The following SLC2A9 variants were observed in gnomAD, a reference collection of about 807,000 sequenced individuals.
SLC2A9 encodes the protein solute carrier family 2, facilitated glucose transporter member 9.
In SLC2A9, 39 loss-of-function variants were observed where a neutral mutation model predicts 50.6. That is an observed-to-expected ratio of 0.77 (90% CI 0.60 to 1.01). SLC2A9 has a LOEUF of 1.01. Among genes scored for constraint, SLC2A9 ranks in the 50% least tolerant of loss-of-function variants. The probability of loss-of-function intolerance (pLI) is 0.00; values close to 1 mark genes in which losing one functional copy is unlikely to be tolerated. For synonymous variants in SLC2A9, 324 were observed against 276.9 expected, an observed-to-expected ratio of 1.17 and a Z score of -1.69; for missense variants, 686 against 677.6, an observed-to-expected ratio of 1.01 and a Z score of -0.14.
rs770902541 is a variant in SLC2A9 at position 9,782,899 on chromosome 4, G to A, written n.386-2834C>T. The A allele has an allele frequency of 2.5e-5, 40 of 1,614,022 alleles. No homozygotes were observed. The Middle Eastern group carries it at 1.0e-3, about 41-fold the overall frequency. ...CCAGCCTGCGCGCTTCCATCAAGAA[G>A]GAGACCAAGGTTCTCAAGACCCTGT... is the stretch of plus-strand genomic sequence containing the variant. On this transcript the variant is annotated intron_variant and non_coding_transcript_variant, in intron 3 of 3. Transcript: ENST00000503803.
At chr4:10,030,357 TAAATA>T in intron 1 of SLC2A9, among the ~76,000 whole-genome samples, 1 of 152,214 alleles carries the variant, frequency 6.6e-6, no homozygotes, top group South Asian at 2.1e-4. Context: ...AATAAATAAA[TAAATA>T]AAATACTCTG....
At chr4:9,773,995 T>TG (rs1188975407) in intron 1 of SLC2A9, among the ~76,000 whole-genome samples, 3 of 149,574 alleles carry the variant, frequency 2.0e-5, no homozygotes, top group Non-Finnish European at 4.5e-5. Flanking sequence ...ACTCAGTCTT[T>TG]TTTTTTTTTT....
intron 6 of SLC2A9, among the ~76,000 whole-genome samples, chr4:9,922,432 A>C (rs956298079): frequency 5.9e-5 from 9 of 152,042 alleles, no homozygotes; most frequent in African/African-American, 1.9e-4. Flanking sequence ...ATGTTGACCT[A>C]TGTAACAAAC....
chr4:9,833,011 C>T (rs780544209), intron 11 of SLC2A9, among the ~76,000 whole-genome samples: 2 of 152,172 alleles, frequency 1.3e-5, no homozygotes, highest in African/African-American at 2.4e-5. Flanking sequence ...AACTTCTCTA[C>T]TTAATTTATA....
At chr4:9,897,784 G>A (rs1311670379) in intron 8 of SLC2A9, among the ~76,000 whole-genome samples, 3 of 152,156 alleles carry the variant, frequency 2.0e-5, no homozygotes, top group South Asian at 2.1e-4. Flanking sequence ...CAGCTACACG[G>A]GAGGCTGAGG....
At chr4:9,879,248 G>A (rs1308837179) in intron 10 of SLC2A9, 1 of 985,300 alleles carries the variant, frequency 1.0e-6, no homozygotes, top group Non-Finnish European at 1.2e-6. Flanking sequence ...TCAAGATGCA[G>A]TATGAGCTGA....
chr4:9,879,103 G>A, intron 10 of SLC2A9: 1 of 981,390 alleles, frequency 1.0e-6, no homozygotes, highest in African/African-American at 1.8e-5. Context: ...CAAGGTTCTT[G>A]TCTTTGAAGC....
At chr4:9,970,680 TAAAAA>T (rs57630133) in intron 5 of SLC2A9, among the ~76,000 whole-genome samples, 1 of 147,886 alleles carries the variant, frequency 6.8e-6, no homozygotes, top group Admixed American at 6.7e-5. Context: ...GACACAAAAT[TAAAAA>T]AAAAAATGCA....
intron 10 of SLC2A9, among the ~76,000 whole-genome samples, chr4:9,845,427 CTT>C (rs1175166447): frequency 1.8e-4 from 20 of 108,668 alleles, no homozygotes; most frequent in South Asian, 5.4e-4. Context: ...TCATCAATTT[CTT>C]TTTTTTTTTT....
intron 4 of SLC2A9, among the ~76,000 whole-genome samples, chr4:9,985,002 A>T (rs1756473137): frequency 1.3e-5 from 2 of 152,114 alleles, no homozygotes; most frequent in African/African-American, 4.8e-5. Flanking sequence ...CCTCTGAGAC[A>T]TAATACTCTT....
At chr4:9,828,022 C>T (rs1381686459) in intron 11 of SLC2A9, among the ~76,000 whole-genome samples, 1 of 152,228 alleles carries the variant, frequency 6.6e-6, no homozygotes, top group Non-Finnish European at 1.5e-5. Context: ...CTCCACACCC[C>T]CATCTGCAGG....
At chr4:9,897,429 A>C (rs1335977528) in intron 8 of SLC2A9, among the ~76,000 whole-genome samples, 1 of 152,138 alleles carries the variant, frequency 6.6e-6, no homozygotes, top group East Asian at 1.9e-4. Context: ...CTAGAATGTG[A>C]CCTTGTTTGG....
intron 1 of SLC2A9, among the ~76,000 whole-genome samples, chr4:10,038,008 A>C (rs1441413859): frequency 2.0e-5 from 3 of 152,114 alleles, no homozygotes; most frequent in African/African-American, 7.2e-5. Flanking sequence ...AGCTGTGATA[A>C]GGAGGAGGTG....
At chr4:9,783,016 T>C in intron 3 of SLC2A9, 1 of 1,614,220 alleles carries the variant, frequency 6.2e-7, no homozygotes, top group Non-Finnish European at 8.5e-7. Flanking sequence ...CCGAAGGCCC[T>C]CCGGCCGGCT....
chr4:9,996,030 G>A (rs1256988329), intron 3 of SLC2A9: 1 of 152,710 alleles, frequency 6.5e-6, no homozygotes, highest in Non-Finnish European at 1.5e-5. Context: ...TCATTGATAA[G>A]TCAATCTGCT....
At chr4:10,034,850 C>G (rs527928887) in intron 1 of SLC2A9, 1 of 152,236 alleles carries the variant, frequency 6.6e-6, no homozygotes, top group Non-Finnish European at 1.5e-5. Flanking sequence ...CAGGATGACA[C>G]GTGAGCCAAG....
chr4:9,910,188 TA>T (rs1741461410), intron 7 of SLC2A9, among the ~76,000 whole-genome samples: 1 of 152,232 alleles, frequency 6.6e-6, no homozygotes, highest in South Asian at 2.1e-4. Flanking sequence ...AATATTCGTG[TA>T]AAACAAGAAC....
intron 7 of SLC2A9, among the ~76,000 whole-genome samples, chr4:9,913,148 T>C (rs772838508): frequency 6.6e-6 from 1 of 152,216 alleles, no homozygotes; most frequent in Non-Finnish European, 1.5e-5. Context: ...AATTGTAAGA[T>C]AATAAATTGG....
chr4:10,036,994 A>G lies in SLC2A9; in HGVS notation c.-41+3136T>C, dbSNP rs79379453. ...TAAGCATTCTCAAATCCTGCTGCACAACCTTGTTCAGAAATACTGCCTTTG... is the reference window on the plus strand; with the variant it reads ...TAAGCATTCTCAAATCCTGCTGCACGACCTTGTTCAGAAATACTGCCTTTG... On this transcript the variant is annotated intron_variant, in intron 1 of 12. Transcript: ENST00000309065. Among the ~76,000 whole-genome samples the G allele has an allele frequency of 4.8e-3, 728 of 152,332 alleles. 7 individuals carry two copies. Among genetic ancestry groups the G allele is most frequent in the African/African-American group, 0.016 (682 of 41,572 alleles).
Sources: allele counts gnomAD v4.1 joint callset (sites outside exome capture counted in the v4.1 genomes callset), GRCh38; gene constraint gnomAD v4.1.1; transcripts MANE v1.5; gene names NCBI Gene and HGNC (gene_info 2026-07-23, HGNC 2026-07-21).